Variants in GMPPA observed in about 807,000 individuals in gnomAD.
GMPPA encodes the protein mannose-1-phosphate guanylyltransferase regulatory subunit alpha.
Under a neutral mutation model 58.6 loss-of-function variants are expected in GMPPA, and 46 were observed. The ratio of observed to expected loss-of-function variants is 0.78; its 90% CI spans 0.62 to 1.00. The LOEUF (loss-of-function observed/expected upper bound fraction) is 1.00, where lower values mean the gene tolerates loss of function less well. Ranked by LOEUF, GMPPA falls within the 50% of genes least tolerant of loss-of-function variation. The pLI is 0.00. For synonymous variants in GMPPA, 211 were observed against 214.9 expected, an observed-to-expected ratio of 0.98 and a Z score of 0.16; for missense variants, 468 against 556.4, an observed-to-expected ratio of 0.84 and a Z score of 1.60.
chr2:219,505,601 C>T (rs1176329434), intron 9 of GMPPA, 46 bp downstream of exon 9: 11 of 1,569,414 alleles, frequency 7.0e-6, no homozygotes, highest in Non-Finnish European at 9.6e-6. Flanking sequence ...CCACCCCAGC[C>T]CTCTGAACCA....
rs1348563019 is a variant in GMPPA at position 219,504,065 on chromosome 2, A to G, written c.490-18A>G. 1.9e-5 allele frequency: 30 copies of G among 1,614,038 alleles called. No individual in the cohort carries two copies. Among genetic ancestry groups the G allele is most frequent in the Non-Finnish European group, 2.5e-5 (30 of 1,179,906 alleles). Reference sequence around the variant, plus strand: ...GGTAGTCCCTTCTTCTACTGAACCCAGCCTGCTCTGTCCTCAGGTATTGCA... The same window carrying G: ...GGTAGTCCCTTCTTCTACTGAACCCGGCCTGCTCTGTCCTCAGGTATTGCA... On this transcript the variant is annotated intron_variant, in intron 6 of 12. Transcript: ENST00000313597.
Position 219,502,124 on chromosome 2 carries a change from C to T in GMPPA, c.429+87C>T, listed in dbSNP as rs1390643741. On this transcript the variant is annotated intron_variant, in intron 5 of 12. Transcript: ENST00000313597. The surrounding 1 kb of genome is among the most constrained non-coding windows in gnomAD (Gnocchi z 4.0). ...CAGGGTGTTGGGGAGGCAGGGGCGC[C>T]CCGGGAGTTGGTGTGGGAGCTGGCG... 4.3e-6 allele frequency: 6 copies of T among 1,387,644 alleles called. No homozygotes were observed. The highest frequency in any genetic ancestry group is 6.0e-6 in the Non-Finnish European group (6 of 993,710). The allele number at this position is 1,387,644 out of a possible 1,614,324, so 86.0% of individuals were successfully genotyped here. A position where few individuals can be genotyped will look rare whatever the true frequency, so the allele number is the denominator to read the frequency against.
chr2:219,505,441 C>T lies in GMPPA; in HGVS notation c.756-17C>T. The T allele has an allele frequency of 1.3e-6, 2 of 1,591,232 alleles. No homozygotes were observed. The highest frequency in any genetic ancestry group is 1.7e-6 in the Non-Finnish European group (2 of 1,168,312). On this transcript the variant is annotated splice_polypyrimidine_tract_variant and intron_variant, in intron 8 of 12. Transcript: ENST00000313597. ...CCCTGCTGACCCCTGAGCCCCTGTC[C>T]CCCTTGCGGTCCCCAGTTCAGCCCT... is the stretch of plus-strand genomic sequence containing the variant.
rs1323767991 is a variant in GMPPA at position 219,506,242 on chromosome 2, C to A, written c.994-12C>A. 1 of 1,598,242 alleles carries A rather than the reference C, an allele frequency of 6.3e-7. No homozygotes were observed. Among genetic ancestry groups the A allele is most frequent in the Non-Finnish European group, 8.6e-7 (1 of 1,169,210 alleles). ...GCCTCTTCCCCTTACCTTTCACTGT[C>A]CTCTTTGGCAGGAGCACACGTGTGT... On this transcript the variant is annotated splice_polypyrimidine_tract_variant and intron_variant, in intron 11 of 12. Coordinates refer to ENST00000313597, the MANE Select transcript of GMPPA (RefSeq NM_013335.4).
chr2:219,503,873 CTT>C (rs1355134637), intron 6 of GMPPA, among the ~76,000 whole-genome samples: 3 of 152,176 alleles, frequency 2.0e-5, no homozygotes, highest in African/African-American at 7.2e-5. Flanking sequence ...AAGCCATGGA[CTT>C]TGGATTTATC....
rs868230449 is a variant in GMPPA, at chr2:219,506,902, C to G, written c.*104C>G. The stretch of plus-strand genomic sequence containing the variant: ...AGGACCAGAGAAAGCCAGGCTGGAT[C>G]GTCACATGCCGGGGAGCAATGTGGA... On this transcript the variant is annotated 3_prime_UTR_variant, in exon 13 of 13. Coordinates refer to ENST00000313597, the MANE Select transcript of GMPPA (RefSeq NM_013335.4). The G allele has an allele frequency of 3.0e-6, 2 of 676,720 alleles. No homozygotes were observed. The highest frequency in any genetic ancestry group is 5.4e-6 in the Non-Finnish European group (2 of 369,418). The allele number at this position is 676,720 out of a possible 1,614,324, so 41.9% of individuals were successfully genotyped here. A position where few individuals can be genotyped will look rare whatever the true frequency, so the allele number is the denominator to read the frequency against.
Position 219,505,748 on chromosome 2 carries a change from C to T in GMPPA, c.887C>T (p.Ala296Val), listed in dbSNP as rs1694563679. The T allele has an allele frequency of 6.2e-7, 1 of 1,607,788 alleles. No homozygotes were observed. Among genetic ancestry groups the T allele is most frequent in the South Asian group, 1.1e-5 (1 of 90,880 alleles). The change falls in exon 10 of 13, where the codon GCC becomes GTC. Residue 296 changes from alanine (A) to valine (V), a missense_variant. Physicochemically the swap from Ala to Val is moderately conservative, Grantham distance 64. Transcript: ENST00000313597. ...NVYIHPTAKV[A>V]PSAVLGPNVS... The stretch of plus-strand genomic sequence containing the variant: ...TACATCCACCCGACCGCCAAGGTGG[C>T]CCCCTCGGCTGTGGTGAGCACTGGT...
At position 219,502,300 on chromosome 2, in the gene GMPPA, G is replaced by A. The variant is rs1694427379; in HGVS notation, c.430-82G>A. ...GTGGCAGAGCTGCATGCCAGGTGCT[G>A]TAGCGGAGGGAAAGAAAGAAAAAAC... is the stretch of plus-strand genomic sequence containing the variant. On this transcript the variant is annotated intron_variant, in intron 5 of 12. Transcript: ENST00000313597. The surrounding 1 kb of genome is among the most constrained non-coding windows in gnomAD (Gnocchi z 4.0). The A allele has an allele frequency of 1.6e-6, 2 of 1,234,510 alleles. No individual in the cohort carries two copies. The highest frequency in any genetic ancestry group is 1.7e-5 in the Admixed American group (1 of 57,502). The allele number at this position is 1,234,510 out of a possible 1,614,324, so 76.5% of individuals were successfully genotyped here. A position where few individuals can be genotyped will look rare whatever the true frequency, so the allele number is the denominator to read the frequency against.
Position 219,506,943 on chromosome 2 carries a change from T to C in GMPPA, c.*145T>C, listed in dbSNP as rs1694616527. On this transcript the variant is annotated 3_prime_UTR_variant, in exon 13 of 13. Transcript: ENST00000313597. ...GCAATGTGGATGGCCTGGGGACTCC[T>C]GGGTTTTCTCCCTCCCGACTCCCTA... 1 of 625,110 alleles carries C rather than the reference T, an allele frequency of 1.6e-6. No individual in the cohort carries two copies. The highest frequency in any genetic ancestry group is 1.8e-5 in the African/African-American group (1 of 54,938). 38.7% of individuals were successfully genotyped at this position (625,110 alleles called of 1,614,324 possible). A position where few individuals can be genotyped will look rare whatever the true frequency, so the allele number is the denominator to read the frequency against.
intron 1 of GMPPA, 31 bp from the exon 2 acceptor site, chr2:219,499,925 C>G: frequency 6.3e-7 from 1 of 1,578,392 alleles, no homozygotes; most frequent in Non-Finnish European, 8.7e-7. Context: ...GGTAGGAGAT[C>G]TGAGCTTGAT....
At chr2:219,500,243 C>A in intron 3 of GMPPA, 25 bp downstream of exon 3, 1 of 1,218,412 alleles carries the variant, frequency 8.2e-7, no homozygotes, top group Non-Finnish European at 1.2e-6. Context: ...TCCCCTCTCT[C>A]ACCTCACTTC....
In GMPPA at chr2:219,501,357, C is replaced by T. The variant is rs886803691; in HGVS notation, c.139-119C>T. Reference sequence around the variant, plus strand: ...GAAAATAGCCCAGAGTGGTGAGTGCCCTGGGGCCCCACAGCTGAGACTGAA... The same window carrying T: ...GAAAATAGCCCAGAGTGGTGAGTGCTCTGGGGCCCCACAGCTGAGACTGAA... On this transcript the variant is annotated intron_variant, in intron 3 of 12. Transcript: ENST00000313597. 23 of 705,004 alleles carry T rather than the reference C, an allele frequency of 3.3e-5. 1 individual carries two copies. Among genetic ancestry groups the T allele is most frequent in the African/African-American group, 2.3e-4 (13 of 57,110 alleles). 43.7% of individuals were successfully genotyped at this position (705,004 alleles called of 1,614,324 possible).
Position 219,502,205 on chromosome 2 carries a change from C to T in GMPPA, c.429+168C>T, listed in dbSNP as rs1694422840. Among the ~76,000 whole-genome samples the T allele has an allele frequency of 6.6e-6, 1 of 152,156 alleles. No homozygotes were observed. Among genetic ancestry groups the T allele is most frequent in the African/African-American group, 2.4e-5 (1 of 41,440 alleles). ...TGGAGGTGTTAGTGGAGACCCCGAG[C>T]CCTCTGGCTGTTCAGAAGTAGGGAG... On this transcript the variant is annotated intron_variant, in intron 5 of 12. Coordinates refer to ENST00000313597, the MANE Select transcript of GMPPA (RefSeq NM_013335.4). The surrounding 1 kb of genome is among the most constrained non-coding windows in gnomAD (Gnocchi z 4.0).
At chr2:219,506,549 G>C (rs928709922) in intron 12 of GMPPA, 127 bp downstream of exon 12, 7 of 1,077,056 alleles carry the variant, frequency 6.5e-6, no homozygotes, top group Middle Eastern at 2.4e-4. Flanking sequence ...AGGGCCTGCT[G>C]TGTGCCAGGC....
intron 3 of GMPPA, 107 bp downstream of exon 3, chr2:219,500,325 A>G (rs1358158177): frequency 8.4e-6 from 6 of 715,958 alleles, no homozygotes; most frequent in African/African-American, 3.5e-5. Context: ...TCCAAGGACC[A>G]TCATTCACAG....
In GMPPA at chr2:219,504,351, G is replaced by A. The variant is rs914071082; in HGVS notation, c.620+138G>A. 28 of 740,872 alleles carry A rather than the reference G, an allele frequency of 3.8e-5. No individual in the cohort carries two copies. The African/African-American group carries it at 4.2e-4, about 11-fold the overall frequency. The allele number at this position is 740,872 out of a possible 1,614,324, so 45.9% of individuals were successfully genotyped here. On this transcript the variant is annotated intron_variant, in intron 7 of 12. Coordinates refer to ENST00000313597, the MANE Select transcript of GMPPA (RefSeq NM_013335.4). ...CCTTCTCCACTTGCCATCTCCAGCA[G>A]AGCCTCCTGAGTCCCTCCCCTTCTA...
chr2:219,505,171 G>GC (rs1185847629), intron 7 of GMPPA, 57 bp from the exon 8 acceptor site: 1 of 1,568,972 alleles, frequency 6.4e-7, no homozygotes, highest in African/African-American at 1.3e-5. Context: ...GACTGTGTTA[G>GC]CCCCACAGTC....
Position 219,502,377 on chromosome 2 carries a change from T to G in GMPPA, c.430-5T>G, listed in dbSNP as rs764552126. ...GTCACTGTCTCGGGTGTGTCTGTCT[T>G]TCAGGCTAACAGGACGCAATCCCTC... is the stretch of plus-strand genomic sequence containing the variant. On this transcript the variant is annotated splice_region_variant and splice_polypyrimidine_tract_variant and intron_variant, in intron 5 of 12. Transcript: ENST00000313597. This position sits in a 1 kb window ranked among gnomAD's most constrained non-coding sequence, Gnocchi z 4.0. The G allele has an allele frequency of 2.5e-6, 4 of 1,613,566 alleles. No individual in the cohort carries two copies.
chr2:219,500,028 G>A lies in GMPPA; in HGVS notation c.40+13G>A, dbSNP rs199872147. ...GGCCCTCAAAAGGGTGAGGTGCCAG[G>A]GGAATGGGGGGAGGAGGTTGGGCTG... On this transcript the variant is annotated intron_variant, in intron 2 of 12. Transcript: ENST00000313597. The A allele has an allele frequency of 3.0e-4, 477 of 1,613,460 alleles. 1 individual carries two copies. The highest frequency in any genetic ancestry group is 3.5e-4 in the Non-Finnish European group (412 of 1,179,416).
Sources: allele counts gnomAD v4.1 joint callset (sites outside exome capture counted in the v4.1 genomes callset), GRCh38; gene constraint gnomAD v4.1.1; non-coding constraint Gnocchi (gnomAD v3.1); transcripts MANE v1.5; gene names NCBI Gene and HGNC (gene_info 2026-07-23, HGNC 2026-07-21).